Variants in SBF1 observed in about 807,000 individuals in gnomAD.
The protein encoded by SBF1 is SET binding factor 1.
SBF1 carries 65 observed loss-of-function variants against 215.8 expected under a neutral mutation model. The ratio of observed to expected loss-of-function variants is 0.30; its 90% CI spans 0.25 to 0.37. SBF1 has a LOEUF of 0.37. Among genes scored for constraint, SBF1 ranks in the 10% least tolerant of loss-of-function variants. The pLI is 1.00. For synonymous variants in SBF1, 1,410 were observed against 1,122.8 expected (o/e 1.26, Z -5.11); for missense variants, 2,634 against 2,667.8 (o/e 0.99, Z 0.28).
Position 50,456,538 on chromosome 22 carries a change from G to T in SBF1, c.4040C>A (p.Pro1347Gln), listed in dbSNP as rs750323488. Residue 1347 changes from proline (P) to glutamine (Q), a missense_variant, in exon 30 of 41, where the codon CCG (proline) becomes CAG (glutamine). Pro to Gln is a moderately conservative substitution (Grantham distance 76). Coordinates refer to ENST00000380817, the MANE Select transcript of SBF1 (RefSeq NM_002972.4). ...AAGGATATAGAGGGCTGCTCGCTGC[G>T]GACGCAGGAAGCCCGGGTCGGGAGG... is the stretch of plus-strand genomic sequence containing the variant. Reference protein sequence around the residue: ...GGPPDPGFLRPQRAALYILGD... With the variant: ...GGPPDPGFLRQQRAALYILGD... 11 of 1,590,050 alleles carry T rather than the reference G, an allele frequency of 6.9e-6. No homozygotes were observed. Among genetic ancestry groups the T allele is most frequent in the African/African-American group, 4.1e-5 (3 of 74,008 alleles).
intron 38 of SBF1, 142 bp downstream of exon 38, chr22:50,448,091 G>A (rs184733740): frequency 6.3e-5 from 47 of 747,462 alleles, no homozygotes; most frequent in African/African-American, 1.0e-4. Flanking sequence ...TCACCAGTTC[G>A]ACACCCCAAA....
intron 36 of SBF1, among the ~76,000 whole-genome samples, chr22:50,449,940 G>A (rs1288525041): frequency 6.6e-6 from 1 of 152,170 alleles, no homozygotes; most frequent in Non-Finnish European, 1.5e-5. Flanking sequence ...TAAGACATGG[G>A]ACCACATAAG....
chr22:50,455,662 G>A (rs2053066551), intron 31 of SBF1, 80 bp from the exon 32 acceptor site: 2 of 1,198,458 alleles, frequency 1.7e-6, no homozygotes, highest in South Asian at 1.3e-5. Flanking sequence ...AGACCCGCAT[G>A]TCCACAGGCA....
rs151080111 is a variant in SBF1, at chr22:50,465,674, G to T, written c.1089+89C>A. On this transcript the variant is annotated intron_variant, in intron 10 of 40. Transcript: ENST00000380817. ...TACTGGAGCCGGGGCCAGCCTGGGG[G>T]TGGGGCCCTGTGTGTCAGTGGCAGC... is the stretch of plus-strand genomic sequence containing the variant. 1,869 of 1,251,500 alleles carry T rather than the reference G, an allele frequency of 1.5e-3. 25 individuals are homozygous for T. In the African/African-American group the frequency reaches 0.026, roughly 17 times the overall value. 77.5% of individuals were successfully genotyped at this position (1,251,500 alleles called of 1,614,324 possible). A position where few individuals can be genotyped will look rare whatever the true frequency, so the allele number is the denominator to read the frequency against.
chr22:50,447,391 C>T lies in SBF1; in HGVS notation c.5514G>A (p.Val1838=). 3 of 1,614,024 alleles carry T rather than the reference C, an allele frequency of 1.9e-6. No homozygotes were observed. Among genetic ancestry groups the T allele is most frequent in the Non-Finnish European group, 8.5e-7 (1 of 1,179,946 alleles). The change falls in exon 40 of 41, where the codon GTG becomes GTA. Residue 1838 remains valine, a synonymous_variant. Transcript: ENST00000380817. ...TGGGCGTGCCAGGTGCCACAGCCTCCACCTCCGCCAAGTCGATGACACCCT... is the reference window on the plus strand; with the variant it reads ...TGGGCGTGCCAGGTGCCACAGCCTCTACCTCCGCCAAGTCGATGACACCCT... ...ECKGVIDLAE[V]EAVAPGTPTM...
At chr22:50,467,753 C>T in intron 3 of SBF1, 33 bp downstream of exon 3, 3 of 1,612,904 alleles carry the variant, frequency 1.9e-6, no homozygotes, top group Non-Finnish European at 2.5e-6. Context: ...GATGCAGCTT[C>T]ATTCATGCTG....
chr22:50,466,275 G>A lies in SBF1; in HGVS notation c.789-17C>T, dbSNP rs767778361. 5.0e-6 allele frequency: 8 copies of A among 1,613,328 alleles called. No homozygotes were observed. The highest frequency in any genetic ancestry group is 5.9e-6 in the Non-Finnish European group (7 of 1,179,958). ...TAGGTGAAGCTGTGCAGGCCCCAGA[G>A]GATGCAGTGAGCCAGGGGACGCGGC... On this transcript the variant is annotated splice_polypyrimidine_tract_variant and intron_variant, in intron 7 of 40. Coordinates refer to ENST00000380817, the MANE Select transcript of SBF1 (RefSeq NM_002972.4).
rs907176385 is a variant in SBF1 at position 50,463,356 on chromosome 22, A to G, written c.1826T>C (p.Val609Ala). The G allele has an allele frequency of 6.2e-7, 1 of 1,610,756 alleles. No individual in the cohort carries two copies. Among genetic ancestry groups the G allele is most frequent in the Non-Finnish European group, 8.5e-7 (1 of 1,178,640 alleles). Reference sequence around the variant, plus strand: ...GTCCAGGACCGCACGGTTCTGCTGCACATGCAGGTGCAGCTCCTGGGCGAG... The same window carrying G: ...GTCCAGGACCGCACGGTTCTGCTGCGCATGCAGGTGCAGCTCCTGGGCGAG... ...RCLAQELHLHVQQNRAVLDHQ... is the reference protein window; with the variant it reads ...RCLAQELHLHAQQNRAVLDHQ... Residue 609 changes from valine to alanine, a missense_variant, in exon 16 of 41, where the codon GTG (valine) becomes GCG (alanine). Transcript: ENST00000380817.
chr22:50,473,582 G>A (rs532330548), intron 1 of SBF1, among the ~76,000 whole-genome samples: 6 of 152,256 alleles, frequency 3.9e-5, no homozygotes, highest in South Asian at 2.1e-4. Flanking sequence ...ACTGAGGAGG[G>A]GCTGGAGACG....
intron 28 of SBF1, among the ~76,000 whole-genome samples, chr22:50,458,664 C>T (rs142630172): frequency 3.2e-3 from 487 of 152,328 alleles, no homozygotes; most frequent in Non-Finnish European, 5.1e-3. Context: ...TCTGCCACCC[C>T]GTCCTGGGGC....
At chr22:50,461,487 GA>G in intron 22 of SBF1, 35 bp downstream of exon 22, 1 of 1,559,064 alleles carries the variant, frequency 6.4e-7, no homozygotes, top group Non-Finnish European at 8.7e-7. Context: ...ACCTGGGGGA[GA>G]GGGGGCGACA....
At position 50,462,465 on chromosome 22, in the gene SBF1, C is replaced by T; in HGVS notation, c.2136G>A (p.Gly712=). ...TEDLAPAQEV[G]EAPSQEDERS... ...GCTCGTCCTCCTGGGAAGGTGCCTC[C>T]CCAACCTCCTGCCACGGCACCACAC... The change falls in exon 19 of 41, where the codon GGG becomes GGA. Residue 712 remains glycine (G), a synonymous_variant. Transcript: ENST00000380817. The T allele has an allele frequency of 1.9e-6, 3 of 1,613,534 alleles. No homozygotes were observed. The highest frequency in any genetic ancestry group is 1.1e-5 in the South Asian group (1 of 91,084).
intron 1 of SBF1, among the ~76,000 whole-genome samples, chr22:50,473,956 A>C (rs1409647059): frequency 6.6e-6 from 1 of 152,212 alleles, no homozygotes; most frequent in Non-Finnish European, 1.5e-5. Context: ...GATCATGTAC[A>C]CAAAGGGCTG....
Position 50,465,797 on chromosome 22 carries a change from G to A in SBF1, c.1055C>T (p.Pro352Leu), listed in dbSNP as rs370145179. The change falls in exon 10 of 41, where the codon CCG becomes CTG. Residue 352 changes from proline (P) to leucine (L), a missense_variant. By Grantham distance (98) the Pro-to-Leu change is moderately conservative. Coordinates refer to ENST00000380817, the MANE Select transcript of SBF1 (RefSeq NM_002972.4). ...CAGGGAGGAGGTGGATGTCGTGGGC[G>A]GAGGGAAGGCGAGGTCAGCCAACTC... Reference protein sequence around the residue: ...ELELADLAFPPPTTSTSSLKM... With the variant: ...ELELADLAFPLPTTSTSSLKM... The A allele has an allele frequency of 1.3e-4, 208 of 1,610,936 alleles. No individual in the cohort carries two copies. The highest frequency in any genetic ancestry group is 1.8e-4 in the Middle Eastern group (1 of 5,456).
In SBF1 at chr22:50,474,921, G is replaced by T; in HGVS notation, c.-81C>A. 3 of 1,068,466 alleles carry T rather than the reference G, an allele frequency of 2.8e-6. No homozygotes were observed. Among genetic ancestry groups the T allele is most frequent in the Non-Finnish European group, 2.4e-6 (2 of 822,262 alleles). 66.2% of individuals were successfully genotyped at this position (1,068,466 alleles called of 1,614,324 possible). A position where few individuals can be genotyped will look rare whatever the true frequency, so the allele number is the denominator to read the frequency against. ...TCGAGGACGGCGCGCTCATGGCCCGGCCCCGGCCCTGGACCGCGCACCCCG... is the reference window on the plus strand; with the variant it reads ...TCGAGGACGGCGCGCTCATGGCCCGTCCCCGGCCCTGGACCGCGCACCCCG... On this transcript the variant is annotated 5_prime_UTR_variant, in exon 1 of 41. Coordinates refer to ENST00000380817, the MANE Select transcript of SBF1 (RefSeq NM_002972.4).
In SBF1 at chr22:50,454,623, T is replaced by C. The variant is rs1253494486; in HGVS notation, c.4932A>G (p.Pro1644=). The part of the protein sequence containing the change: ...WELAQGPPEP[P]EEERSDGGAP... ...CGCCTCCATCAGACCGTTCTTCCTCTGGGGGTTCAGGGGGCCCCTGGGCCA... is the reference window on the plus strand; with the variant it reads ...CGCCTCCATCAGACCGTTCTTCCTCCGGGGGTTCAGGGGGCCCCTGGGCCA... The change falls in exon 36 of 41, where the codon CCA becomes CCG. Residue 1644 remains proline (P), a synonymous_variant. Transcript: ENST00000380817. 2 of 1,604,742 alleles carry C rather than the reference T, an allele frequency of 1.2e-6. No individual in the cohort carries two copies. The highest frequency in any genetic ancestry group is 1.7e-5 in the Admixed American group (1 of 58,950).
chr22:50,446,715 C>T lies in SBF1; in HGVS notation c.*427G>A. 2.4e-6 allele frequency: 1 copy of T among 419,036 alleles called. No individual in the cohort carries two copies. The highest frequency in any genetic ancestry group is 1.8e-5 in the South Asian group (1 of 55,248). The allele number at this position is 419,036 out of a possible 1,614,324, so 26.0% of individuals were successfully genotyped here. A position where few individuals can be genotyped will look rare whatever the true frequency, so the allele number is the denominator to read the frequency against. On this transcript the variant is annotated 3_prime_UTR_variant, in exon 41 of 41. Coordinates refer to ENST00000380817, the MANE Select transcript of SBF1 (RefSeq NM_002972.4). ...GGCTCACGAGAAAGATGCCAACCTC[C>T]CGCCAGGTGGGCCTGGATAGGGGCA...
In SBF1 at chr22:50,462,137, CTG is replaced by C. The variant is rs2067541406; in HGVS notation, c.2397-20_2397-19del. ...CAGCCATGCTGGGCCAGAGAAGAAACTGTGGGCATGGGCCCTGCCCACCACGG... is the reference window on the plus strand; with the variant it reads ...CAGCCATGCTGGGCCAGAGAAGAAACTGGGCATGGGCCCTGCCCACCACGG... On this transcript the variant is annotated intron_variant, in intron 19 of 40. Transcript: ENST00000380817. 1.9e-6 allele frequency: 3 copies of C among 1,611,448 alleles called. No homozygotes were observed. Among genetic ancestry groups the C allele is most frequent in the African/African-American group, 1.3e-5 (1 of 74,946 alleles).
Position 50,447,131 on chromosome 22 carries a change from G to C in SBF1, c.*11C>G. On this transcript the variant is annotated 3_prime_UTR_variant, in exon 41 of 41. Coordinates refer to ENST00000380817, the MANE Select transcript of SBF1 (RefSeq NM_002972.4). ...GACCGGAAGCAGAGCAGCCGGGCAG[G>C]GCTGGGAGGCTCAGGCGTCCGACAG... The C allele has an allele frequency of 6.2e-7, 1 of 1,608,920 alleles. No individual in the cohort carries two copies. Among genetic ancestry groups the C allele is most frequent in the Non-Finnish European group, 8.5e-7 (1 of 1,178,032 alleles).
Sources: allele counts gnomAD v4.1 joint callset (sites outside exome capture counted in the v4.1 genomes callset), GRCh38; gene constraint gnomAD v4.1.1; transcripts MANE v1.5; gene names NCBI Gene and HGNC (gene_info 2026-07-23, HGNC 2026-07-21).